The following CIROZ variants were observed in gnomAD, a reference collection of about 807,000 sequenced individuals.
The protein encoded by CIROZ is ciliated left-right organizer ZP-N domains-containing protein.
At chr1:10,954,095 C>G in the CIROZ span, 1 of 1,613,654 alleles carries the variant, frequency 6.2e-7, no homozygotes, top group Non-Finnish European at 8.5e-7. Flanking sequence ...TCAGGTCTAC[C>G]CTATAGAAAG....
chr1:10,953,576 G>A, the CIROZ span, among the ~76,000 whole-genome samples: 1 of 152,218 alleles, frequency 6.6e-6, no homozygotes, highest in Non-Finnish European at 1.5e-5. Flanking sequence ...CACAGAGAGA[G>A]TGGATAAATG....
the CIROZ span, among the ~76,000 whole-genome samples, chr1:10,973,335 T>C: frequency 6.6e-6 from 1 of 152,148 alleles, no homozygotes; most frequent in South Asian, 2.1e-4. Flanking sequence ...ATCATACCAC[T>C]GCACTCCAGC....
chr1:10,961,933 C>A, the CIROZ span, among the ~76,000 whole-genome samples: 1 of 152,120 alleles, frequency 6.6e-6, no homozygotes, highest in African/African-American at 2.4e-5. Context: ...GGCAACAGAG[C>A]GAGACTCTGT....
At chr1:10,949,092 C>T in the CIROZ span, 22 of 347,364 alleles carry the variant, frequency 6.3e-5, no homozygotes, top group African/African-American at 2.5e-4. Flanking sequence ...GGTGTGGTGG[C>T]GTGGGCCTGT....
At chr1:10,954,979 C>T in the CIROZ span, 116 of 1,592,274 alleles carry the variant, frequency 7.3e-5, no homozygotes, top group Admixed American at 3.2e-4. Flanking sequence ...GAGATGCCAC[C>T]GGATACTCAC....
chr1:10,969,868 C>G, the CIROZ span: 8 of 1,413,310 alleles, frequency 5.7e-6, no homozygotes, highest in East Asian at 2.7e-5. Context: ...TTGAGTGATG[C>G]CCAGGAACCT....
chr1:10,948,938 C>G, the CIROZ span: 11,112 of 1,258,074 alleles, frequency 8.8e-3, 759 homozygotes, highest in African/African-American at 0.14. Context: ...AAGATGGGTT[C>G]GAGGGACCGG....
chr1:10,950,559 A>G, the CIROZ span, among the ~76,000 whole-genome samples: 1 of 152,292 alleles, frequency 6.6e-6, no homozygotes, highest in South Asian at 2.1e-4. Context: ...TAGGCATTCC[A>G]GGCCGATCAT....
At chr1:10,948,275 C>G in the CIROZ span, 2 of 1,613,944 alleles carry the variant, frequency 1.2e-6, no homozygotes, top group Admixed American at 3.3e-5. Flanking sequence ...TCTCCACCTC[C>G]GTTCCAGAGC....
the CIROZ span, among the ~76,000 whole-genome samples, chr1:10,953,575 A>G: frequency 1.3e-5 from 2 of 152,156 alleles, no homozygotes; most frequent in African/African-American, 2.4e-5. Context: ...ACACAGAGAG[A>G]GTGGATAAAT....
chr1:10,954,679 T>C, the CIROZ span, among the ~76,000 whole-genome samples: 1 of 152,136 alleles, frequency 6.6e-6, no homozygotes, highest in African/African-American at 2.4e-5. Flanking sequence ...TCACTCCCAT[T>C]GCCTAGGCAG....
the CIROZ span, among the ~76,000 whole-genome samples, chr1:10,954,488 G>A: frequency 1.1e-4 from 16 of 151,090 alleles, no homozygotes; most frequent in East Asian, 2.2e-3. Flanking sequence ...GAAAAGAAAA[G>A]ATAAGAAATT....
chr1:10,957,209 T>G, the CIROZ span: 1 of 880,526 alleles, frequency 1.1e-6, no homozygotes, highest in Non-Finnish European at 1.7e-6. Flanking sequence ...AATTAGTCTC[T>G]GAACTAAAGC....
At chr1:10,978,991 CT>C in the CIROZ span, among the ~76,000 whole-genome samples, 54,773 of 151,272 alleles carry the variant, frequency 0.36, 12,837 homozygotes, top group African/African-American at 0.67. Context: ...GAGGATCTCA[CT>C]TTTTTTTTCT....
At chr1:10,962,753 C>T in the CIROZ span, among the ~76,000 whole-genome samples, 65 of 152,162 alleles carry the variant, frequency 4.3e-4, no homozygotes, top group Admixed American at 4.1e-3. Context: ...TACATAGAAT[C>T]GCTATGAAGG....
the CIROZ span, chr1:10,953,972 G>A: frequency 1.9e-6 from 3 of 1,577,254 alleles, no homozygotes; most frequent in Non-Finnish European, 2.6e-6. Context: ...GGTTTGTGTG[G>A]TGTGTGCCTG....
At chr1:10,948,060 C>T in the CIROZ span, 2 of 1,613,450 alleles carry the variant, frequency 1.2e-6, no homozygotes, top group Non-Finnish European at 1.7e-6. Context: ...CAGCCTCACC[C>T]TGGGCATCCC....
chr1:10,962,212 G>A, the CIROZ span, among the ~76,000 whole-genome samples: 8 of 151,760 alleles, frequency 5.3e-5, no homozygotes, highest in African/African-American at 1.9e-4. Flanking sequence ...TTGGGAGGCC[G>A]AGGCAGGCGG....
chr1:10,946,919 C>T, the CIROZ span, among the ~76,000 whole-genome samples: 1 of 152,210 alleles, frequency 6.6e-6, no homozygotes, highest in South Asian at 2.1e-4. Context: ...ATGTCTGAAC[C>T]ATGGCTCAGG....
Sources: allele counts gnomAD v4.1 joint callset (sites outside exome capture counted in the v4.1 genomes callset), GRCh38; gene constraint gnomAD v4.1.1; transcripts MANE v1.5; gene names NCBI Gene and HGNC (gene_info 2026-07-23, HGNC 2026-07-21).